The following LRRC4C variants were observed in gnomAD, a reference collection of about 807,000 sequenced individuals.
LRRC4C encodes leucine-rich repeat-containing protein 4C.
A neutral mutation model predicts 33.6 loss-of-function variants in LRRC4C; 5 were observed. The ratio of observed to expected loss-of-function variants is 0.15; its 90% CI spans 0.08 to 0.31. The LOEUF (loss-of-function observed/expected upper bound fraction) is 0.31. Ranked by LOEUF, LRRC4C falls within the 10% of genes least tolerant of loss-of-function variation. The pLI is 1.00. For synonymous variants in LRRC4C, 329 were observed against 302.0 expected (o/e 1.09, Z -0.93); for missense variants, 560 against 796.7 (o/e 0.70, Z 3.58).
chr11:41,353,681 G>A (rs1359898975), intron 1 of LRRC4C, among the ~76,000 whole-genome samples: 6 of 152,118 alleles, frequency 3.9e-5, no homozygotes, highest in Non-Finnish European at 8.8e-5. Context: ...CCACAATCAA[G>A]TAGGCTTTAT....
chr11:40,488,674 G>A (rs938764244), intron 3 of LRRC4C, among the ~76,000 whole-genome samples: 8 of 151,908 alleles, frequency 5.3e-5, no homozygotes, highest in South Asian at 2.1e-4. Context: ...GGATTCTTAC[G>A]TGACTAAATC....
chr11:41,350,277 G>A (rs1273978937), intron 1 of LRRC4C, among the ~76,000 whole-genome samples: 3 of 152,220 alleles, frequency 2.0e-5, no homozygotes, highest in East Asian at 1.9e-4. Context: ...TTGGGAGGCC[G>A]AGGTGGGCGG....
At chr11:40,225,369 T>C (rs950720109) in intron 5 of LRRC4C, among the ~76,000 whole-genome samples, 3 of 152,208 alleles carry the variant, frequency 2.0e-5, no homozygotes, top group Non-Finnish European at 1.5e-5. Context: ...ACCTTTCCTA[T>C]AAAGTTTCCA....
intron 3 of LRRC4C, among the ~76,000 whole-genome samples, chr11:40,400,069 C>T (rs1260311474): frequency 1.3e-5 from 2 of 152,114 alleles, no homozygotes. Flanking sequence ...ATGTCTCCAT[C>T]TTCACAGAGA....
At chr11:40,615,791 C>T (rs886999400) in intron 3 of LRRC4C, among the ~76,000 whole-genome samples, 3 of 151,728 alleles carry the variant, frequency 2.0e-5, no homozygotes, top group African/African-American at 7.3e-5. Context: ...TATCCATTTT[C>T]ATGGCTTCTG....
chr11:40,590,035 A>G (rs1958963939), intron 3 of LRRC4C, among the ~76,000 whole-genome samples: 1 of 151,428 alleles, frequency 6.6e-6, no homozygotes, highest in Non-Finnish European at 1.5e-5. Context: ...GCCTTGCTAG[A>G]TTGGGGAAGT....
chr11:40,426,157 T>C (rs1340483820), intron 3 of LRRC4C, among the ~76,000 whole-genome samples: 3 of 151,932 alleles, frequency 2.0e-5, no homozygotes, highest in Admixed American at 1.3e-4. Context: ...GGGACCACAG[T>C]TGCATGCCAC....
chr11:41,279,812 C>A (rs1438539502), intron 1 of LRRC4C, among the ~76,000 whole-genome samples: 2 of 152,072 alleles, frequency 1.3e-5, no homozygotes, highest in African/African-American at 4.8e-5. Context: ...CATATCCCTG[C>A]AGAACACTGG....
At chr11:40,666,950 A>C (rs1033065864) in intron 2 of LRRC4C, among the ~76,000 whole-genome samples, 1 of 152,192 alleles carries the variant, frequency 6.6e-6, no homozygotes, top group Non-Finnish European at 1.5e-5. Context: ...GGAATGGGGA[A>C]ATACCTTGAA....
At chr11:40,385,892 A>AAATAAAT (rs141949687) in intron 3 of LRRC4C, among the ~76,000 whole-genome samples, 7 of 116,742 alleles carry the variant, frequency 6.0e-5, no homozygotes, top group African/African-American at 1.9e-4. Flanking sequence ...ATAAATAAAT[A>AAATAAAT]AAATAAAATA....
intron 4 of LRRC4C, among the ~76,000 whole-genome samples, chr11:40,284,997 A>G (rs1040959872): frequency 2.6e-5 from 4 of 152,148 alleles, no homozygotes; most frequent in Non-Finnish European, 5.9e-5. Context: ...GGATCATGGA[A>G]TGTATCTCCT....
intron 2 of LRRC4C, among the ~76,000 whole-genome samples, chr11:40,843,141 C>G (rs138912390): frequency 1.1e-3 from 175 of 152,206 alleles, no homozygotes; most frequent in Middle Eastern, 3.4e-3. Context: ...CGAACTGACC[C>G]CTGGATAGTG....
intron 2 of LRRC4C, among the ~76,000 whole-genome samples, chr11:40,794,798 G>A (rs143819921): frequency 2.6e-5 from 4 of 151,176 alleles, no homozygotes; most frequent in African/African-American, 7.3e-5. Context: ...ACAAGATCAC[G>A]ACTCAAAGTC....
chr11:40,603,966 C>G (rs17488803), intron 3 of LRRC4C, among the ~76,000 whole-genome samples: 66,009 of 151,910 alleles, frequency 0.43, 15,360 homozygotes, highest in Middle Eastern at 0.57. Context: ...TAATTCTTGG[C>G]TAGGAGTAAT....
chr11:40,123,218 A>G (rs1233816360), intron 6 of LRRC4C, among the ~76,000 whole-genome samples: 1 of 152,140 alleles, frequency 6.6e-6, no homozygotes, highest in Non-Finnish European at 1.5e-5. Flanking sequence ...AATACTATTT[A>G]TAGTATAAAA....
chr11:41,357,619 A>G (rs968461327), intron 1 of LRRC4C, among the ~76,000 whole-genome samples: 2 of 152,026 alleles, frequency 1.3e-5, no homozygotes, highest in Non-Finnish European at 2.9e-5. Context: ...TTCCTTTTCC[A>G]TATTGTTGTT....
At chr11:40,156,857 T>C (rs1227506086) in intron 5 of LRRC4C, among the ~76,000 whole-genome samples, 1 of 152,070 alleles carries the variant, frequency 6.6e-6, no homozygotes, top group Non-Finnish European at 1.5e-5. Context: ...AATCTACAAA[T>C]TCAACACAAT....
chr11:40,161,751 C>G (rs902972051), intron 5 of LRRC4C, among the ~76,000 whole-genome samples: 7 of 152,042 alleles, frequency 4.6e-5, no homozygotes, highest in Admixed American at 4.6e-4. Flanking sequence ...AGCGAGACTC[C>G]TTCTCCGAAA....
chr11:40,559,120 G>A (rs568520987), intron 3 of LRRC4C, among the ~76,000 whole-genome samples: 3 of 150,650 alleles, frequency 2.0e-5, no homozygotes, highest in East Asian at 1.9e-4. Flanking sequence ...TGGACATTTA[G>A]GTTGATTCAA....
Sources: gnomAD v4.1 joint callset for allele counts (sites outside exome capture counted in the v4.1 genomes callset) on GRCh38, gnomAD v4.1.1 for gene constraint, MANE v1.5 for transcripts, NCBI Gene and HGNC (gene_info 2026-07-23, HGNC 2026-07-21) for gene names.